Variants in RSU1 observed in about 807,000 individuals in gnomAD.
RSU1 encodes rsu-1.
A neutral mutation model predicts 31.1 loss-of-function variants in RSU1; 26 were observed. That is an observed-to-expected ratio of 0.84 (90% CI 0.61 to 1.16). The LOEUF is 1.16. Ranked by LOEUF, RSU1 falls within the 50% of genes most tolerant of loss-of-function variation. The pLI is 0.00. For synonymous variants in RSU1, 164 were observed against 136.3 expected (o/e 1.20, Z -1.41); for missense variants, 320 against 339.1 (o/e 0.94, Z 0.44).
intron 7 of RSU1, among the ~76,000 whole-genome samples, chr10:16,750,014 C>A (rs1402233006): frequency 7.2e-5 from 11 of 152,292 alleles, no homozygotes; most frequent in Middle Eastern, 3.4e-3. Context: ...TTGTCAGCAA[C>A]CAACTCTCTC....
At chr10:16,683,981 A>G (rs930167883) in intron 8 of RSU1, among the ~76,000 whole-genome samples, 11 of 152,252 alleles carry the variant, frequency 7.2e-5, no homozygotes, top group Admixed American at 1.3e-4. Context: ...TCAGGTTAAG[A>G]TAAAAGATTG....
intron 7 of RSU1, among the ~76,000 whole-genome samples, chr10:16,725,388 G>A (rs78704532): frequency 2.0e-3 from 309 of 152,190 alleles, no homozygotes; most frequent in African/African-American, 7.0e-3. Context: ...ATACCTAGAC[G>A]AATTATCTAT....
intron 8 of RSU1, among the ~76,000 whole-genome samples, chr10:16,655,510 T>C (rs2131520427): frequency 1.3e-5 from 2 of 152,358 alleles, no homozygotes; most frequent in Middle Eastern, 6.8e-3. Context: ...GTATGTGATA[T>C]ACAATAACTG....
At chr10:16,764,866 G>A (rs745382846) in intron 3 of RSU1, among the ~76,000 whole-genome samples, 1 of 151,690 alleles carries the variant, frequency 6.6e-6, no homozygotes, top group South Asian at 2.1e-4. Flanking sequence ...TGTCATATAC[G>A]ATCTTCTAAG....
At chr10:16,635,459 T>C (rs373640561) in intron 8 of RSU1, among the ~76,000 whole-genome samples, 1 of 152,252 alleles carries the variant, frequency 6.6e-6, no homozygotes, top group Non-Finnish European at 1.5e-5. Flanking sequence ...AGAGAACTTC[T>C]GTCTGGTCCC....
chr10:16,701,053 G>C (rs1835782661), intron 7 of RSU1, among the ~76,000 whole-genome samples: 1 of 152,172 alleles, frequency 6.6e-6, no homozygotes, highest in African/African-American at 2.4e-5. Flanking sequence ...AAATATTAAT[G>C]TTGGTTTTCT....
chr10:16,700,368 A>C (rs1835765926), intron 7 of RSU1, among the ~76,000 whole-genome samples: 1 of 152,212 alleles, frequency 6.6e-6, no homozygotes, highest in African/African-American at 2.4e-5. Flanking sequence ...GATTGGGTAT[A>C]GCCCATCATT....
intron 4 of RSU1, among the ~76,000 whole-genome samples, chr10:16,761,556 G>A (rs577882538): frequency 2.6e-5 from 4 of 152,100 alleles, no homozygotes; most frequent in Admixed American, 1.3e-4. Flanking sequence ...TGCTGTGAGC[G>A]TTTAAATATG....
chr10:16,630,625 A>G (rs1432354340), intron 8 of RSU1, among the ~76,000 whole-genome samples: 1 of 152,136 alleles, frequency 6.6e-6, no homozygotes, highest in East Asian at 1.9e-4. Context: ...TCTCTTTGTG[A>G]GCCTGGCAGC....
chr10:16,599,939 G>A (rs537290937), intron 8 of RSU1, among the ~76,000 whole-genome samples: 2 of 152,306 alleles, frequency 1.3e-5, no homozygotes, highest in East Asian at 3.9e-4. Context: ...TGCAGTGGCT[G>A]GTGGGTAAAA....
chr10:16,683,519 T>C (rs904438795), intron 8 of RSU1, among the ~76,000 whole-genome samples: 7 of 152,282 alleles, frequency 4.6e-5, no homozygotes, highest in Middle Eastern at 3.4e-3. Context: ...ATACTTTTGA[T>C]TGATGTTGTT....
intron 2 of RSU1, among the ~76,000 whole-genome samples, chr10:16,786,835 G>C (rs1475270633): frequency 6.6e-6 from 1 of 152,134 alleles, no homozygotes; most frequent in East Asian, 1.9e-4. Context: ...TTATCTTACA[G>C]TGAAACCGGG....
intron 8 of RSU1, among the ~76,000 whole-genome samples, chr10:16,644,047 T>C (rs955752286): frequency 5.3e-5 from 8 of 151,994 alleles, no homozygotes; most frequent in African/African-American, 1.9e-4. Context: ...ATACACCATT[T>C]TATTTCAGGG....
chr10:16,806,298 C>T (rs7090787), intron 2 of RSU1, among the ~76,000 whole-genome samples: 16,635 of 152,198 alleles, frequency 0.11, 1,274 homozygotes, highest in Admixed American at 0.22. Context: ...AGCATGCTCG[C>T]TGAATTAGCC....
chr10:16,778,995 T>G (rs1306711793), intron 3 of RSU1, among the ~76,000 whole-genome samples: 2 of 152,316 alleles, frequency 1.3e-5, no homozygotes, highest in Non-Finnish European at 2.9e-5. Context: ...ATTCTGACTT[T>G]GCCAATGACT....
chr10:16,656,157 G>C (rs1228133140), intron 8 of RSU1, among the ~76,000 whole-genome samples: 1 of 151,936 alleles, frequency 6.6e-6, no homozygotes, highest in African/African-American at 2.4e-5. Flanking sequence ...AGCATAAAGA[G>C]AGAAAAAACC....
Position 16,592,125 on chromosome 10 carries a change from C to G in RSU1, c.*1269G>C, listed in dbSNP as rs1049707045. 2.0e-5 allele frequency: 3 copies of G among 149,656 alleles called. No individual in the cohort carries two copies. Among genetic ancestry groups the G allele is most frequent in the African/African-American group, 7.6e-5 (3 of 39,324 alleles). 9.3% of individuals were successfully genotyped at this position (149,656 alleles called of 1,614,324 possible). On this transcript the variant is annotated 3_prime_UTR_variant, in exon 9 of 9. Coordinates refer to ENST00000345264, the MANE Select transcript of RSU1 (RefSeq NM_012425.4). ...GGTCTTGGGAGCTCAACTGGGAAGC[C>G]GAAAGGATACAGCAGAGATTTTATA...
chr10:16,786,987 G>C (rs183790286), intron 2 of RSU1, among the ~76,000 whole-genome samples: 14 of 152,088 alleles, frequency 9.2e-5, no homozygotes, highest in African/African-American at 2.4e-5. Context: ...AGGGAGGTGC[G>C]GATCGGATCG....
In RSU1 at chr10:16,685,931, G is replaced by C. The variant is rs547372115; in HGVS notation, c.731+9092C>G. ...TATAAACAAATAATATGCAAACACA[G>C]TAGAACAAAATATGGAAAGTTATTT... is the stretch of plus-strand genomic sequence containing the variant. On this transcript the variant is annotated intron_variant, in intron 8 of 8. Coordinates refer to ENST00000345264, the MANE Select transcript of RSU1 (RefSeq NM_012425.4). Among the ~76,000 whole-genome samples, 38 of 152,276 alleles carry C rather than the reference G, an allele frequency of 2.5e-4. No homozygotes were observed. The Middle Eastern group carries it at 0.017, about 68-fold the overall frequency.
Sources: gnomAD v4.1 joint callset for allele counts (sites outside exome capture counted in the v4.1 genomes callset) on GRCh38, gnomAD v4.1.1 for gene constraint, MANE v1.5 for transcripts, NCBI Gene and HGNC (gene_info 2026-07-23, HGNC 2026-07-21) for gene names.